Variants in ADAMTS3 observed in about 807,000 individuals in gnomAD.
ADAMTS3 encodes A disintegrin and metalloproteinase with thrombospondin motifs 3.
In ADAMTS3, 73 loss-of-function variants were observed where a neutral mutation model predicts 129.0. The ratio of observed to expected loss-of-function variants is 0.57; its 90% CI spans 0.47 to 0.69. The LOEUF is 0.69. Among genes scored for constraint, ADAMTS3 ranks in the 30% least tolerant of loss-of-function variants. The pLI, the probability that ADAMTS3 is intolerant of heterozygous loss-of-function variation, is 0.00. For synonymous variants in ADAMTS3, 477 were observed against 510.8 expected, an observed-to-expected ratio of 0.93 and a Z score of 0.89; for missense variants, 1,457 against 1,514.5, an observed-to-expected ratio of 0.96 and a Z score of 0.63.
intron 21 of ADAMTS3, among the ~76,000 whole-genome samples, 192 bp from the exon 22 acceptor site, chr4:72,283,896 T>A (rs1343636233): frequency 1.3e-5 from 2 of 152,214 alleles, no homozygotes; most frequent in Admixed American, 1.3e-4. Context: ...TAGTTCTTTG[T>A]CTACAAAGTC....
At position 72,378,888 on chromosome 4, in the gene ADAMTS3, C is replaced by T. The variant is rs567368236; in HGVS notation, c.661+35927G>A. 3.3e-5 allele frequency among the ~76,000 whole-genome samples: 5 copies of T among 152,212 alleles called. No homozygotes were observed. The South Asian group carries it at 1.0e-3, about 32-fold the overall frequency. On this transcript the variant is annotated intron_variant, in intron 4 of 21. Coordinates refer to ENST00000286657, the MANE Select transcript of ADAMTS3 (RefSeq NM_014243.3). Reference sequence around the variant, plus strand: ...AGGGGTTTTCTCCTAAACTTTTTCTCTTTCAGATTCTCGAGTTGTTAAAAT... The same window carrying T: ...AGGGGTTTTCTCCTAAACTTTTTCTTTTTCAGATTCTCGAGTTGTTAAAAT...
intron 3 of ADAMTS3, among the ~76,000 whole-genome samples, chr4:72,487,254 A>C (rs1451465160): frequency 1.3e-5 from 2 of 152,120 alleles, no homozygotes; most frequent in African/African-American, 4.8e-5. Context: ...CAGGAAAACA[A>C]ATAAGTAGAA....
chr4:72,546,089 C>G (rs1440400041), intron 3 of ADAMTS3, among the ~76,000 whole-genome samples: 2 of 152,166 alleles, frequency 1.3e-5, no homozygotes, highest in Non-Finnish European at 2.9e-5. Context: ...AGTCTTAAGG[C>G]AGGTAACTAG....
At chr4:72,307,513 T>A (rs1312164876) in intron 15 of ADAMTS3, among the ~76,000 whole-genome samples, 2 of 152,042 alleles carry the variant, frequency 1.3e-5, no homozygotes, top group Non-Finnish European at 2.9e-5. Context: ...ATAGAATGTC[T>A]TTAATTAGTG....
intron 2 of ADAMTS3, among the ~76,000 whole-genome samples, chr4:72,561,873 G>A (rs994920315): frequency 6.6e-6 from 1 of 152,174 alleles, no homozygotes; most frequent in Non-Finnish European, 1.5e-5. Context: ...ATAAACAAGA[G>A]ACTGACATTT....
rs112041960 is a variant in ADAMTS3, at chr4:72,317,837, G to A, written c.1485+735C>T. ...GGTCAAGGAGTTTGAGACTAGCCTGGCCAATATGGTAAAACCCCGTCTCTA... is the reference window on the plus strand; with the variant it reads ...GGTCAAGGAGTTTGAGACTAGCCTGACCAATATGGTAAAACCCCGTCTCTA... On this transcript the variant is annotated intron_variant, in intron 10 of 21. Transcript: ENST00000286657. 7.9e-5 allele frequency among the ~76,000 whole-genome samples: 12 copies of A among 152,164 alleles called. 1 individual carries two copies. Among genetic ancestry groups the A allele is most frequent in the African/African-American group, 2.9e-4 (12 of 41,538 alleles).
At chr4:72,405,452 A>T (rs998070770) in intron 4 of ADAMTS3, among the ~76,000 whole-genome samples, 1 of 151,090 alleles carries the variant, frequency 6.6e-6, no homozygotes, top group Non-Finnish European at 1.5e-5. Context: ...AGTAATATTT[A>T]AAAAAAACAG....
chr4:72,500,285 TA>T (rs1719978168), intron 3 of ADAMTS3, among the ~76,000 whole-genome samples: 1 of 152,238 alleles, frequency 6.6e-6, no homozygotes, highest in South Asian at 2.1e-4. Flanking sequence ...CAGCATCTGT[TA>T]TTTTTTGACT....
intron 3 of ADAMTS3, among the ~76,000 whole-genome samples, chr4:72,463,925 C>T (rs905650839): frequency 6.6e-6 from 1 of 151,900 alleles, no homozygotes; most frequent in African/African-American, 2.4e-5. Flanking sequence ...GCCAAGCAGA[C>T]ACAGCCAGCC....
intron 3 of ADAMTS3, among the ~76,000 whole-genome samples, chr4:72,505,477 C>T (rs975832018): frequency 5.3e-5 from 8 of 152,174 alleles, no homozygotes; most frequent in African/African-American, 1.9e-4. Flanking sequence ...TCCTTGTTTA[C>T]TGGTAAAAGC....
At chr4:72,372,842 T>C (rs1319079367) in intron 4 of ADAMTS3, among the ~76,000 whole-genome samples, 1 of 152,178 alleles carries the variant, frequency 6.6e-6, no homozygotes. Flanking sequence ...CATAGTTTTA[T>C]GTAAACATTT....
intron 3 of ADAMTS3, among the ~76,000 whole-genome samples, chr4:72,450,785 G>T (rs1234973715): frequency 6.6e-6 from 1 of 151,578 alleles, no homozygotes; most frequent in Non-Finnish European, 1.5e-5. Flanking sequence ...CACCTGTCTT[G>T]CTAGAAAGGC....
In ADAMTS3 at chr4:72,319,698, G is replaced by T. The variant is rs563714570; in HGVS notation, c.1208+160C>A. 3.9e-5 allele frequency among the ~76,000 whole-genome samples: 6 copies of T among 152,290 alleles called. No homozygotes were observed. The South Asian group carries it at 1.2e-3, about 32-fold the overall frequency. ...CCTCTGCAAGCCAGTCACTCATTTAGTTTCCGTGCATGACCTCTTCTCTGT... is the reference window on the plus strand; with the variant it reads ...CCTCTGCAAGCCAGTCACTCATTTATTTTCCGTGCATGACCTCTTCTCTGT... On this transcript the variant is annotated intron_variant, in intron 8 of 21. Coordinates refer to ENST00000286657, the MANE Select transcript of ADAMTS3 (RefSeq NM_014243.3).
At chr4:72,439,717 A>T (rs1718060628) in intron 3 of ADAMTS3, among the ~76,000 whole-genome samples, 1 of 151,666 alleles carries the variant, frequency 6.6e-6, no homozygotes, top group Admixed American at 6.6e-5. Flanking sequence ...AGCTCAAGAC[A>T]TTTTTCTTGC....
At chr4:72,334,277 A>G (rs12508636) in intron 5 of ADAMTS3, among the ~76,000 whole-genome samples, 33,353 of 152,130 alleles carry the variant, frequency 0.22, 4,986 homozygotes, top group Non-Finnish European at 0.32. Flanking sequence ...CCACCAGTCT[A>G]TAATCTCGCT....
intron 3 of ADAMTS3, among the ~76,000 whole-genome samples, chr4:72,469,317 C>T (rs926594857): frequency 1.7e-4 from 26 of 152,000 alleles, no homozygotes; most frequent in African/African-American, 6.3e-4. Flanking sequence ...TGGAGTTCTA[C>T]CTATAGAATT....
chr4:72,391,002 T>C (rs1307924084), intron 4 of ADAMTS3, among the ~76,000 whole-genome samples: 1 of 152,068 alleles, frequency 6.6e-6, no homozygotes, highest in African/African-American at 2.4e-5. Context: ...TAGATAATTG[T>C]ACTGATGGAT....
At chr4:72,566,479 T>G (rs1159090928) in intron 2 of ADAMTS3, among the ~76,000 whole-genome samples, 1 of 152,216 alleles carries the variant, frequency 6.6e-6, no homozygotes, top group South Asian at 2.1e-4. Flanking sequence ...GGCCAATGAC[T>G]TGTAACTATG....
chr4:72,288,923 TACACACACACACACACACACAC>T (rs33967517), intron 20 of ADAMTS3, 55 bp from the exon 21 acceptor site: 15 of 452,660 alleles, frequency 3.3e-5, no homozygotes, highest in South Asian at 3.2e-4. Flanking sequence ...ACCATGCACA[TACACACACACACACACACACAC>T]ACACACACAC....
Sources: allele counts gnomAD v4.1 joint callset (sites outside exome capture counted in the v4.1 genomes callset), GRCh38; gene constraint gnomAD v4.1.1; transcripts MANE v1.5; gene names NCBI Gene and HGNC (gene_info 2026-07-23, HGNC 2026-07-21).